PRKN: variants seen among roughly 807,000 people sequenced by gnomAD.
PRKN encodes parkin RBR E3 ubiquitin protein ligase.
In PRKN, 56 loss-of-function variants were observed where a neutral mutation model predicts 59.5. The ratio of observed to expected loss-of-function variants is 0.94; its 90% confidence interval spans 0.76 to 1.18. The LOEUF is 1.18. Among genes scored for constraint, PRKN ranks in the 50% most tolerant of loss-of-function variants. The probability of loss-of-function intolerance (pLI) is 0.00; values close to 1 mark genes in which losing one functional copy is unlikely to be tolerated. For synonymous variants in PRKN, 250 were observed against 222.1 expected (o/e 1.13, Z -1.12); for missense variants, 657 against 596.4 (o/e 1.10, Z -1.06).
chr6:162,682,645 A>C (rs1779815139), intron 1 of PRKN, among the ~76,000 whole-genome samples: 1 of 152,108 alleles, frequency 6.6e-6, no homozygotes, highest in Non-Finnish European at 1.5e-5. Context: ...AAAACTACTT[A>C]TCAGGTACTA....
intron 1 of PRKN, among the ~76,000 whole-genome samples, chr6:162,689,165 C>A (rs1013562789): frequency 1.3e-5 from 2 of 152,208 alleles, no homozygotes; most frequent in Non-Finnish European, 2.9e-5. Context: ...CTCATTCCTA[C>A]AAGGGCTCTG....
chr6:161,858,671 G>C (rs1309057273), intron 6 of PRKN, among the ~76,000 whole-genome samples: 2 of 151,202 alleles, frequency 1.3e-5, no homozygotes, highest in African/African-American at 4.9e-5. Context: ...TGGGTGAAAT[G>C]CTCTTCCCGT....
intron 6 of PRKN, among the ~76,000 whole-genome samples, chr6:161,959,405 A>G (rs1014617699): frequency 1.3e-5 from 2 of 152,160 alleles, no homozygotes; most frequent in African/African-American, 4.8e-5. Flanking sequence ...CCTCTGGAGA[A>G]GTCCGCCCAT....
At chr6:162,533,612 C>T (rs35826472) in intron 1 of PRKN, among the ~76,000 whole-genome samples, 12,054 of 152,174 alleles carry the variant, frequency 0.079, 668 homozygotes, top group South Asian at 0.18. Flanking sequence ...GCTTCAAATG[C>T]GGGTTTTACA....
chr6:162,583,033 T>C (rs887927414), intron 1 of PRKN, among the ~76,000 whole-genome samples: 3 of 152,208 alleles, frequency 2.0e-5, no homozygotes, highest in African/African-American at 7.2e-5. Flanking sequence ...TTAATACCAT[T>C]ATAAAAGGGT....
intron 7 of PRKN, among the ~76,000 whole-genome samples, chr6:161,701,195 T>A (rs1483557108): frequency 6.6e-6 from 1 of 152,202 alleles, no homozygotes; most frequent in Non-Finnish European, 1.5e-5. Flanking sequence ...CTTGGCTCAC[T>A]GTGCAGGAAA....
intron 1 of PRKN, among the ~76,000 whole-genome samples, chr6:162,468,191 C>T (rs1023813093): frequency 3.3e-5 from 5 of 152,138 alleles, no homozygotes; most frequent in Admixed American, 2.6e-4. Context: ...ATATAACAAC[C>T]GAATCAATAA....
intron 1 of PRKN, among the ~76,000 whole-genome samples, chr6:162,556,732 C>A (rs139903272): frequency 8.2e-6 from 1 of 121,340 alleles, no homozygotes; most frequent in Admixed American, 1.1e-4. Context: ...GGTGACAGAG[C>A]GAGACTCCAT....
Position 161,372,640 on chromosome 6 carries a change from C to T in PRKN, c.1168-12435G>A, listed in dbSNP as rs940146664. 2.6e-5 allele frequency among the ~76,000 whole-genome samples: 4 copies of T among 152,122 alleles called. No individual in the cohort carries two copies. The highest frequency in any genetic ancestry group is 5.9e-5 in the Non-Finnish European group (4 of 68,038). On this transcript the variant is annotated intron_variant, in intron 10 of 11. Transcript: ENST00000366898. This position sits in a 1 kb window ranked among gnomAD's most constrained non-coding sequence, Gnocchi z 4.2. ...GCTCTCAGACCAGCGGCACCGGAAGCGCTTGTGCTGTGGCTCCCCCACTAC... is the reference window on the plus strand; with the variant it reads ...GCTCTCAGACCAGCGGCACCGGAAGTGCTTGTGCTGTGGCTCCCCCACTAC...
In PRKN at chr6:161,457,649, T is replaced by C. The variant is rs1271919316; in HGVS notation, c.1084-70772A>G. Among the ~76,000 whole-genome samples, 1 of 152,102 alleles carries C rather than the reference T, an allele frequency of 6.6e-6. No individual in the cohort carries two copies. The highest frequency in any genetic ancestry group is 1.5e-5 in the Non-Finnish European group (1 of 68,018). ...GGGCTGAAGATACATTACTGAAAAC[T>C]CCAAGAAGGTCAGAAAGCAAAATCA... On this transcript the variant is annotated intron_variant, in intron 9 of 11. Coordinates refer to ENST00000366898, the MANE Select transcript of PRKN (RefSeq NM_004562.3). The surrounding 1 kb of genome is among the most constrained non-coding windows in gnomAD (Gnocchi z 5.0).
intron 1 of PRKN, among the ~76,000 whole-genome samples, chr6:162,703,913 C>T (rs1229421009): frequency 6.6e-6 from 1 of 152,114 alleles, no homozygotes. Context: ...TAGTACTTTC[C>T]CAGGTGCTGA....
rs974455038 is a variant in PRKN, at chr6:161,544,725, C to T, written c.1083+4129G>A. Among the ~76,000 whole-genome samples, 1 of 152,132 alleles carries T rather than the reference C, an allele frequency of 6.6e-6. No individual in the cohort carries two copies. Among genetic ancestry groups the T allele is most frequent in the Non-Finnish European group, 1.5e-5 (1 of 68,026 alleles). On this transcript the variant is annotated intron_variant, in intron 9 of 11. Transcript: ENST00000366898. The surrounding 1 kb of genome is among the most constrained non-coding windows in gnomAD (Gnocchi z 5.5). ...CTGGATCCACCCCACATTTATCAGG[C>T]CTTTCCTAGGTGGACTGACATCATC...
intron 9 of PRKN, among the ~76,000 whole-genome samples, chr6:161,411,133 A>G (rs1043599417): frequency 2.0e-5 from 3 of 152,002 alleles, no homozygotes; most frequent in Non-Finnish European, 2.9e-5. Flanking sequence ...CTCTGTTTTT[A>G]CTCATGAGAC....
At chr6:161,996,308 T>C (rs1781840258) in intron 5 of PRKN, among the ~76,000 whole-genome samples, 1 of 152,178 alleles carries the variant, frequency 6.6e-6, no homozygotes, top group South Asian at 2.1e-4. Flanking sequence ...GACAAATACC[T>C]TTCCAAAGTC....
Position 161,548,508 on chromosome 6 carries a change from T to C in PRKN, c.1083+346A>G, listed in dbSNP as rs569175978. Among the ~76,000 whole-genome samples the C allele has an allele frequency of 6.6e-6, 1 of 152,342 alleles. No homozygotes were observed. The highest frequency in any genetic ancestry group is 1.5e-5 in the Non-Finnish European group (1 of 68,044). ...TTCTTTCTCCTTCACTCCTGTCTACTTAAAGGCAACTCTGAAGAAAGAATA... is the reference window on the plus strand; with the variant it reads ...TTCTTTCTCCTTCACTCCTGTCTACCTAAAGGCAACTCTGAAGAAAGAATA... On this transcript the variant is annotated intron_variant, in intron 9 of 11. Coordinates refer to ENST00000366898, the MANE Select transcript of PRKN (RefSeq NM_004562.3). The surrounding 1 kb of genome is among the most constrained non-coding windows in gnomAD (Gnocchi z 4.2).
intron 1 of PRKN, among the ~76,000 whole-genome samples, chr6:162,587,264 T>C (rs568021680): frequency 1.1e-4 from 16 of 152,130 alleles, no homozygotes; most frequent in Non-Finnish European, 2.2e-4. Flanking sequence ...GCCTCCCAAG[T>C]AGCTGGGATT....
chr6:162,116,586 T>C lies in PRKN; in HGVS notation c.535-62412A>G, dbSNP rs77305430. 9.6e-4 allele frequency among the ~76,000 whole-genome samples: 147 copies of C among 152,356 alleles called. 4 individuals carry two copies. In the East Asian group the frequency reaches 0.028, roughly 29 times the overall value. On this transcript the variant is annotated intron_variant, in intron 4 of 11. Coordinates refer to ENST00000366898, the MANE Select transcript of PRKN (RefSeq NM_004562.3). ...GCACGTGTGTACATTAGATCCTGTA[T>C]ACGTTTACGCTGCACATTTAGATTG...
At chr6:162,347,785 A>G (rs972383606) in intron 2 of PRKN, among the ~76,000 whole-genome samples, 7 of 152,206 alleles carry the variant, frequency 4.6e-5, no homozygotes, top group African/African-American at 1.7e-4. Context: ...AAGCTCATTC[A>G]TATTTTTTTG....
intron 3 of PRKN, among the ~76,000 whole-genome samples, chr6:162,260,939 T>A (rs1437587034): frequency 6.6e-6 from 1 of 152,146 alleles, no homozygotes; most frequent in African/African-American, 2.4e-5. Context: ...TTTGGTACCA[T>A]TTTTGGTTTC....
Sources: gnomAD v4.1 joint callset for allele counts (sites outside exome capture counted in the v4.1 genomes callset) on GRCh38, gnomAD v4.1.1 for gene constraint, Gnocchi (gnomAD v3.1) non-coding constraint, MANE v1.5 for transcripts, NCBI Gene and HGNC (gene_info 2026-07-23, HGNC 2026-07-21) for gene names.